The following PTPRR variants were observed in gnomAD, a reference collection of about 807,000 sequenced individuals.
The protein encoded by PTPRR is protein tyrosine phosphatase receptor type R, also known as receptor-type tyrosine-protein phosphatase R.
In PTPRR, 38 loss-of-function variants were observed where a neutral mutation model predicts 77.2. That is an observed-to-expected ratio of 0.49 (90% CI 0.38 to 0.65). PTPRR has a LOEUF of 0.65. PTPRR is among the 30% of genes least tolerant of loss of function. PTPRR has a pLI of 0.00. For missense variants in PTPRR, 744 were observed against 799.2 expected (o/e 0.93, Z 0.83); for synonymous variants, 299 against 283.1 (o/e 1.06, Z -0.57).
At chr12:70,641,111 T>C (rs1271680177) in intron 13 of PTPRR, among the ~76,000 whole-genome samples, 1 of 152,200 alleles carries the variant, frequency 6.6e-6, no homozygotes, top group Non-Finnish European at 1.5e-5. Context: ...TCTAAAATCA[T>C]AGCAGGTGTT....
At chr12:70,912,744 G>T (rs1893718006) in intron 1 of PTPRR, among the ~76,000 whole-genome samples, 1 of 152,068 alleles carries the variant, frequency 6.6e-6, no homozygotes, top group East Asian at 1.9e-4. Context: ...TTTGCTAATT[G>T]TCCTTTTGTG....
At chr12:70,892,030 T>A (rs1274720699) in intron 2 of PTPRR, among the ~76,000 whole-genome samples, 1 of 152,088 alleles carries the variant, frequency 6.6e-6, no homozygotes, top group Non-Finnish European at 1.5e-5. Flanking sequence ...TAAACTATGA[T>A]AACCTCCACA....
chr12:70,865,626 G>A (rs992006240), intron 2 of PTPRR, among the ~76,000 whole-genome samples: 13 of 152,244 alleles, frequency 8.5e-5, no homozygotes, highest in Middle Eastern at 3.4e-3. Context: ...CCTCTGCTTC[G>A]TCTGAACCCA....
intron 2 of PTPRR, among the ~76,000 whole-genome samples, chr12:70,888,148 G>A (rs1161131889): frequency 6.6e-6 from 1 of 151,824 alleles, no homozygotes; most frequent in Admixed American, 6.6e-5. Flanking sequence ...ATTTATTAGA[G>A]AAAGAAAAGC....
intron 2 of PTPRR, among the ~76,000 whole-genome samples, chr12:70,838,064 C>A (rs756481679): frequency 6.6e-6 from 1 of 152,142 alleles, no homozygotes; most frequent in Non-Finnish European, 1.5e-5. Context: ...ATTTCTTTTG[C>A]TGACCATTAC....
chr12:70,653,130 G>A lies in PTPRR; in HGVS notation c.1880+3574C>T, dbSNP rs1348955068. 3.9e-5 allele frequency among the ~76,000 whole-genome samples: 6 copies of A among 152,070 alleles called. No homozygotes were observed. In the East Asian group the frequency reaches 5.8e-4, roughly 15 times the overall value. ...CTCCAAGGTATGAACTGGAGTCCCCGGGTGATTTGGGGTCTCAGGTGGCAG... is the reference window on the plus strand; with the variant it reads ...CTCCAAGGTATGAACTGGAGTCCCCAGGTGATTTGGGGTCTCAGGTGGCAG... On this transcript the variant is annotated intron_variant, in intron 13 of 13. Transcript: ENST00000283228.
At chr12:70,890,508 A>G (rs552813987) in intron 2 of PTPRR, among the ~76,000 whole-genome samples, 109 of 152,234 alleles carry the variant, frequency 7.2e-4, no homozygotes, top group African/African-American at 2.5e-3. Flanking sequence ...AGAAAAAAGT[A>G]TTGGAGGAAA....
chr12:70,766,495 C>T (rs1890826423), intron 2 of PTPRR, among the ~76,000 whole-genome samples: 1 of 151,974 alleles, frequency 6.6e-6, no homozygotes, highest in Non-Finnish European at 1.5e-5. Flanking sequence ...ACAAAGCCTC[C>T]AAGAAATATG....
chr12:70,649,404 G>A (rs1886312233), intron 13 of PTPRR, among the ~76,000 whole-genome samples: 1 of 152,168 alleles, frequency 6.6e-6, no homozygotes, highest in Non-Finnish European at 1.5e-5. Flanking sequence ...ACAGTATGCA[G>A]CCTTCATTGC....
At chr12:70,675,351 T>C (rs1322678224) in intron 10 of PTPRR, among the ~76,000 whole-genome samples, 1 of 152,026 alleles carries the variant, frequency 6.6e-6, no homozygotes, top group Non-Finnish European at 1.5e-5. Flanking sequence ...CTGATTTTTC[T>C]ATATTACCTT....
At chr12:70,670,651 C>T (rs1887189838) in intron 10 of PTPRR, among the ~76,000 whole-genome samples, 3 of 152,182 alleles carry the variant, frequency 2.0e-5, no homozygotes, top group Non-Finnish European at 2.9e-5. Context: ...CAGTAAGTAA[C>T]TTCCAGAAGT....
At chr12:70,782,834 A>G (rs191888748) in intron 2 of PTPRR, among the ~76,000 whole-genome samples, 43 of 152,286 alleles carry the variant, frequency 2.8e-4, no homozygotes, top group African/African-American at 9.6e-4. Flanking sequence ...CTTAAAGTAT[A>G]ATAAAAAAAT....
chr12:70,746,138 G>C, intron 5 of PTPRR, 52 bp from the exon 6 acceptor site: 4 of 1,526,754 alleles, frequency 2.6e-6, no homozygotes, highest in Non-Finnish European at 3.6e-6. Context: ...CACTAAACAA[G>C]AGTATGATCT....
intron 13 of PTPRR, among the ~76,000 whole-genome samples, chr12:70,643,711 A>G (rs1205682671): frequency 2.0e-5 from 3 of 152,158 alleles, no homozygotes; most frequent in Non-Finnish European, 4.4e-5. Context: ...TATTACTGAT[A>G]TAAAGTTCCC....
chr12:70,815,107 G>A (rs1300072267), intron 2 of PTPRR, among the ~76,000 whole-genome samples: 2 of 134,580 alleles, frequency 1.5e-5, no homozygotes, highest in African/African-American at 2.8e-5. Flanking sequence ...AAGAAAGTCT[G>A]AACATTCTAA....
intron 2 of PTPRR, among the ~76,000 whole-genome samples, chr12:70,859,560 T>G (rs1443183360): frequency 1.3e-5 from 2 of 152,084 alleles, no homozygotes; most frequent in African/African-American, 2.4e-5. Flanking sequence ...TTATAATGAA[T>G]AGAATAGTCA....
At chr12:70,660,664 T>C (rs1270740218) in intron 12 of PTPRR, among the ~76,000 whole-genome samples, 2 of 152,210 alleles carry the variant, frequency 1.3e-5, no homozygotes, top group African/African-American at 4.8e-5. Context: ...AGCAGATAAC[T>C]GCTGAATAGG....
intron 2 of PTPRR, among the ~76,000 whole-genome samples, chr12:70,816,594 C>T (rs1217113254): frequency 2.6e-5 from 4 of 151,814 alleles, no homozygotes; most frequent in Non-Finnish European, 5.9e-5. Flanking sequence ...ACTAGTAATA[C>T]TTTTATAAAT....
intron 2 of PTPRR, among the ~76,000 whole-genome samples, chr12:70,857,009 G>C (rs1271711695): frequency 6.6e-6 from 1 of 152,146 alleles, no homozygotes; most frequent in Admixed American, 6.6e-5. Context: ...TGAGTTACCT[G>C]TGTAGCATCT....
Sources: gnomAD v4.1 joint callset for allele counts (sites outside exome capture counted in the v4.1 genomes callset) on GRCh38, gnomAD v4.1.1 for gene constraint, MANE v1.5 for transcripts, NCBI Gene and HGNC (gene_info 2026-07-23, HGNC 2026-07-21) for gene names.